MYBPC1: variants seen among roughly 807,000 people sequenced by gnomAD.
The protein encoded by MYBPC1 is myosin binding protein C1, also known as myosin-binding protein C, slow-type.
Under a neutral mutation model 147.1 loss-of-function variants are expected in MYBPC1, and 52 were observed. The ratio of observed to expected loss-of-function variants is 0.35; its 90% CI spans 0.28 to 0.45. The LOEUF is 0.45. Ranked by LOEUF, MYBPC1 falls within the 20% of genes least tolerant of loss-of-function variation. The pLI, the probability that MYBPC1 is intolerant of heterozygous loss-of-function variation, is 1.00. For synonymous variants in MYBPC1, 477 were observed against 475.9 expected, an observed-to-expected ratio of 1.00 and a Z score of -0.03; for missense variants, 1,228 against 1,440.3, an observed-to-expected ratio of 0.85 and a Z score of 2.39.
At chr12:101,657,080 G>A (rs2136368477) in intron 18 of MYBPC1, among the ~76,000 whole-genome samples, 1 of 152,128 alleles carries the variant, frequency 6.6e-6, no homozygotes, top group South Asian at 2.1e-4. Context: ...CAGAAAAATA[G>A]CTGAAAATCC....
chr12:101,638,280 T>C (rs983948317), intron 10 of MYBPC1, among the ~76,000 whole-genome samples: 5 of 152,168 alleles, frequency 3.3e-5, no homozygotes, highest in Non-Finnish European at 5.9e-5. Flanking sequence ...ATGCTACTGA[T>C]GTGAGGAAAA....
At chr12:101,683,843 C>T (rs945816791) in intron 30 of MYBPC1, among the ~76,000 whole-genome samples, 1 of 152,024 alleles carries the variant, frequency 6.6e-6, no homozygotes, top group African/African-American at 2.4e-5. Flanking sequence ...TATAGAATAG[C>T]TTTGTAACAT....
At chr12:101,668,050 A>G in intron 23 of MYBPC1, 151 bp downstream of exon 23, 1 of 986,374 alleles carries the variant, frequency 1.0e-6, no homozygotes, top group South Asian at 1.5e-5. Context: ...GTTAGAACTT[A>G]ATAAAGCAGC....
chr12:101,633,957 C>A (rs981626841), intron 8 of MYBPC1, among the ~76,000 whole-genome samples: 1 of 150,042 alleles, frequency 6.7e-6, no homozygotes, highest in South Asian at 2.1e-4. Context: ...AGTGCAGTGG[C>A]GCGATCTCGG....
At chr12:101,631,977 G>A (rs752952857) in intron 7 of MYBPC1, 44 bp from the exon 8 acceptor site, 12 of 1,513,630 alleles carry the variant, frequency 7.9e-6, no homozygotes, top group Non-Finnish European at 1.1e-5. Context: ...GAGAAATTTG[G>A]AAAATAAACT....
At chr12:101,661,831 A>T (rs919874899) in intron 20 of MYBPC1, among the ~76,000 whole-genome samples, 1 of 146,098 alleles carries the variant, frequency 6.8e-6, no homozygotes, top group African/African-American at 2.5e-5. Context: ...TGGGGCGTGG[A>T]GGTTGCAGTG....
chr12:101,664,088 A>C (rs1352602114), intron 22 of MYBPC1, among the ~76,000 whole-genome samples: 3 of 152,236 alleles, frequency 2.0e-5, no homozygotes, highest in Non-Finnish European at 4.4e-5. Context: ...TCGAGTGTAT[A>C]AGAAATAAGT....
At position 101,675,294 on chromosome 12, in the gene MYBPC1, C is replaced by A. The variant is rs372724805; in HGVS notation, c.2812C>A (p.Arg938Ser). Residue 938 changes from arginine (R) to serine (S), a missense_variant and splice_region_variant, in exon 26 of 32, where the codon CGT (arginine) becomes AGT (serine). Transcript: ENST00000361466. ...TASIDIQIIDRPGPPQIVKIE... is the reference protein window; with the variant it reads ...TASIDIQIIDSPGPPQIVKIE... Reference sequence around the variant, plus strand: ...GACACCATGAATTCATCCTGTAGACCGTCCAGGTCCACCCCAAATTGTGAA... The same window carrying A: ...GACACCATGAATTCATCCTGTAGACAGTCCAGGTCCACCCCAAATTGTGAA... 3.1e-6 allele frequency: 5 copies of A among 1,613,982 alleles called. No homozygotes were observed. The highest frequency in any genetic ancestry group is 3.3e-5 in the Admixed American group (2 of 59,984).
the MYBPC1 span, among the ~76,000 whole-genome samples, chr12:101,693,757 A>G: frequency 6.6e-6 from 1 of 152,160 alleles, no homozygotes; most frequent in Non-Finnish European, 1.5e-5. Flanking sequence ...AAATAAATAA[A>G]TAAACAAGTA....
intron 23 of MYBPC1, 108 bp downstream of exon 23, chr12:101,668,007 G>A (rs1897805598): frequency 2.4e-6 from 3 of 1,241,776 alleles, no homozygotes; most frequent in Non-Finnish European, 1.1e-6. Flanking sequence ...TTACTCCTTT[G>A]ATATTTTGTT....
chr12:101,635,998 A>G (rs765965394), intron 9 of MYBPC1, among the ~76,000 whole-genome samples: 1 of 152,246 alleles, frequency 6.6e-6, no homozygotes. Context: ...AACTGCTAGT[A>G]AAAGTTTCAT....
intron 1 of MYBPC1, among the ~76,000 whole-genome samples, chr12:101,602,276 A>T (rs1404505044): frequency 6.6e-6 from 1 of 152,150 alleles, no homozygotes; most frequent in Non-Finnish European, 1.5e-5. Context: ...GTGCAGTGGC[A>T]TGATCTCGGC....
At chr12:101,636,837 G>A in intron 10 of MYBPC1, 109 bp downstream of exon 10, 1 of 908,800 alleles carries the variant, frequency 1.1e-6, no homozygotes, top group Admixed American at 1.9e-5. Context: ...TTTCATTTCT[G>A]AAAATGTGTT....
At chr12:101,599,358 C>CT (rs549752477) in intron 1 of MYBPC1, among the ~76,000 whole-genome samples, 39 of 152,062 alleles carry the variant, frequency 2.6e-4, no homozygotes, top group African/African-American at 7.2e-4. Flanking sequence ...ATTTCTGTAT[C>CT]TTTTTTTTCT....
At chr12:101,650,383 T>C (rs1350854617) in intron 15 of MYBPC1, among the ~76,000 whole-genome samples, 1 of 152,204 alleles carries the variant, frequency 6.6e-6, no homozygotes, top group Non-Finnish European at 1.5e-5. Flanking sequence ...AAAGCTTCAG[T>C]TGACTCACAG....
intron 16 of MYBPC1, among the ~76,000 whole-genome samples, chr12:101,652,019 C>T (rs917776762): frequency 6.6e-6 from 1 of 152,162 alleles, no homozygotes; most frequent in African/African-American, 2.4e-5. Flanking sequence ...CCGTCTCTAA[C>T]CAATAAGTGT....
intron 8 of MYBPC1, 79 bp from the exon 9 acceptor site, chr12:101,634,475 C>A: frequency 1.7e-6 from 2 of 1,164,710 alleles, no homozygotes; most frequent in South Asian, 2.5e-5. Flanking sequence ...TCTAAAGAAT[C>A]CCCACAGCCT....
rs1445320187 is a variant in MYBPC1 at position 101,642,578 on chromosome 12, G to A, written c.825G>A (p.Lys275=). ...RLKRMRREEK[K]SAAFAKILDP... is the part of the protein sequence containing the mutation. ...AGCGCATGCGCAGAGAGGAGAAGAA[G>A]AGCGCAGGTGAGCGCTCCCGGGGGC... Residue 275 remains lysine, a synonymous_variant, in exon 11 of 32, where the codon AAG becomes AAA. Transcript: ENST00000361466. 1.9e-6 allele frequency: 3 copies of A among 1,609,252 alleles called. No homozygotes were observed. Among genetic ancestry groups the A allele is most frequent in the Admixed American group, 1.7e-5 (1 of 59,210 alleles).
intron 9 of MYBPC1, among the ~76,000 whole-genome samples, chr12:101,636,311 T>G (rs1233904908): frequency 6.6e-6 from 1 of 152,182 alleles, no homozygotes; most frequent in East Asian, 1.9e-4. Context: ...GTTCTTTGCT[T>G]TTTACATAGG....
Sources: allele counts gnomAD v4.1 joint callset (sites outside exome capture counted in the v4.1 genomes callset), GRCh38; gene constraint gnomAD v4.1.1; transcripts MANE v1.5; gene names NCBI Gene and HGNC (gene_info 2026-07-23, HGNC 2026-07-21).